Variants in SCN11A observed in about 807,000 individuals in gnomAD.
SCN11A encodes sodium channel protein type 11 subunit alpha.
In SCN11A, 122 loss-of-function variants were observed where a neutral mutation model predicts 162.2. The observed-to-expected ratio is 0.75, with a 90% CI of 0.65 to 0.87. The LOEUF is 0.87. SCN11A is among the 40% of genes least tolerant of loss of function. SCN11A has a pLI of 0.00. For missense variants in SCN11A, 2,015 were observed against 2,181.6 expected (o/e 0.92, Z 1.52); for synonymous variants, 758 against 751.5 (o/e 1.01, Z -0.14).
At chr3:38,939,826 C>A (rs1232711947) in intron 7 of SCN11A, among the ~76,000 whole-genome samples, 4 of 151,694 alleles carry the variant, frequency 2.6e-5, no homozygotes, top group African/African-American at 9.7e-5. Context: ...TCGCTTGAAC[C>A]CGGGAGGAGG....
intron 2 of SCN11A, among the ~76,000 whole-genome samples, chr3:38,976,170 T>C (rs567075721): frequency 5.3e-4 from 80 of 152,312 alleles, no homozygotes; most frequent in Non-Finnish European, 9.6e-4. Flanking sequence ...ATATTGGATT[T>C]AAAATAACAA....
intron 2 of SCN11A, among the ~76,000 whole-genome samples, chr3:38,971,784 ACTATC>A (rs2066818526): frequency 6.6e-6 from 1 of 152,166 alleles, no homozygotes; most frequent in Admixed American, 6.5e-5. Flanking sequence ...CAGGGCAAAG[ACTATC>A]CTACTCTCTG....
rs760912834 is a variant in SCN11A, at chr3:38,897,213, T to C, written c.2035A>G (p.Lys679Glu). The change falls in exon 18 of 30, where the codon AAG becomes GAG. Residue 679 changes from lysine to glutamate, a missense_variant. Transcript: ENST00000302328. The stretch of plus-strand genomic sequence containing the variant: ...AAAGTTGGCCAGGATTTGGCTAACT[T>C]GAAGACCCTGAGCTGTAGAAAAAGA... ...LRSFRVLRVF[K>E]LAKSWPTLNT... The C allele has an allele frequency of 6.2e-7, 1 of 1,609,144 alleles. No individual in the cohort carries two copies. The highest frequency in any genetic ancestry group is 2.2e-5 in the East Asian group (1 of 44,856).
chr3:39,049,176 T>C, intron 1 of SCN11A, among the ~76,000 whole-genome samples: 1 of 152,258 alleles, frequency 6.6e-6, no homozygotes, highest in South Asian at 2.1e-4. Context: ...TCAGAGCATA[T>C]ACTGCATCCT....
At chr3:38,937,815 AG>A (rs2066361001) in intron 7 of SCN11A, among the ~76,000 whole-genome samples, 1 of 152,264 alleles carries the variant, frequency 6.6e-6, no homozygotes, top group South Asian at 2.1e-4. Flanking sequence ...TGGGGAAGTC[AG>A]TGTGGCGATT....
intron 1 of SCN11A, among the ~76,000 whole-genome samples, chr3:39,034,513 A>G (rs368368644): frequency 3.9e-5 from 6 of 152,372 alleles, no homozygotes; most frequent in African/African-American, 1.4e-4. Context: ...TAAATGCAGA[A>G]GAACTGAAAG....
intron 2 of SCN11A, among the ~76,000 whole-genome samples, chr3:38,965,364 C>A (rs942390984): frequency 2.0e-5 from 3 of 152,206 alleles, no homozygotes; most frequent in African/African-American, 7.2e-5. Flanking sequence ...GGAGGCCCTG[C>A]CAGGCCCCTG....
At chr3:39,044,478 T>C (rs2032138924) in intron 1 of SCN11A, among the ~76,000 whole-genome samples, 1 of 152,158 alleles carries the variant, frequency 6.6e-6, no homozygotes, top group Non-Finnish European at 1.5e-5. Context: ...GTATCTTTTC[T>C]GACTACAATG....
chr3:38,860,993 T>C (rs1463874918), intron 28 of SCN11A, among the ~76,000 whole-genome samples: 3 of 152,080 alleles, frequency 2.0e-5, no homozygotes, highest in Admixed American at 6.6e-5. Flanking sequence ...TAGAAAACCC[T>C]AAAGACTCAT....
Position 38,968,469 on chromosome 3 carries a change from A to G in SCN11A, c.-279-8046T>C, listed in dbSNP as rs2066796473. Among the ~76,000 whole-genome samples, 6 of 152,248 alleles carry G rather than the reference A, an allele frequency of 3.9e-5. No homozygotes were observed. In the South Asian group the frequency reaches 1.0e-3, roughly 26 times the overall value. ...ATAGCAATGTTTTAAAAATTAAATG[A>G]GGCAGTATGCCAAAACTTCCCTTCA... On this transcript the variant is annotated intron_variant, in intron 2 of 29. Coordinates refer to ENST00000302328, the MANE Select transcript of SCN11A (RefSeq NM_001349253.2).
intron 2 of SCN11A, among the ~76,000 whole-genome samples, chr3:38,962,588 C>A (rs2066748430): frequency 6.6e-6 from 1 of 152,114 alleles, no homozygotes; most frequent in South Asian, 2.1e-4. Context: ...CGTTGGCTCA[C>A]ACCTGTAATC....
intron 7 of SCN11A, among the ~76,000 whole-genome samples, chr3:38,931,593 GATTCCAGGAGGA>G (rs1447283007): frequency 6.6e-6 from 1 of 152,234 alleles, no homozygotes; most frequent in African/African-American, 2.4e-5. Flanking sequence ...GCATTGCCCA[GATTCCAGGAGGA>G]AAGCCTCCCA....
chr3:38,876,212 A>T (rs567696110), intron 23 of SCN11A, among the ~76,000 whole-genome samples: 1 of 152,160 alleles, frequency 6.6e-6, no homozygotes, highest in African/African-American at 2.4e-5. Context: ...AAATCAACTC[A>T]AGAGGGATCA....
intron 2 of SCN11A, among the ~76,000 whole-genome samples, chr3:38,993,229 G>T (rs1358848693): frequency 6.6e-6 from 1 of 152,204 alleles, no homozygotes; most frequent in Non-Finnish European, 1.5e-5. Flanking sequence ...GAAGGGCCTT[G>T]TAAGGGACAA....
Position 38,950,542 on chromosome 3 carries a change from C to A in SCN11A, c.-7-173G>T, listed in dbSNP as rs73068589. 0.22 allele frequency: 138,781 copies of A among 630,830 alleles called. 15,880 individuals carry two copies. The highest frequency in any genetic ancestry group is 0.29 in the East Asian group (10,382 of 36,286). The allele number at this position is 630,830 out of a possible 1,614,324, so 39.1% of individuals were successfully genotyped here. A position where few individuals can be genotyped will look rare whatever the true frequency, so the allele number is the denominator to read the frequency against. ...CTGTGAAGATCAGAAGAGATGACCA[C>A]CACTGTGGGTATAGCAGGAACTTTT... On this transcript the variant is annotated intron_variant, in intron 4 of 29. Coordinates refer to ENST00000302328, the MANE Select transcript of SCN11A (RefSeq NM_001349253.2).
chr3:38,900,122 C>A, intron 16 of SCN11A, 49 bp from the exon 17 acceptor site: 1 of 1,483,506 alleles, frequency 6.7e-7, no homozygotes, highest in Non-Finnish European at 9.4e-7. Context: ...GGAGATAACA[C>A]TTTTAAGAAT....
intron 7 of SCN11A, among the ~76,000 whole-genome samples, chr3:38,940,492 A>G (rs77042694): frequency 0.062 from 9,404 of 152,298 alleles, 334 homozygotes; most frequent in Middle Eastern, 0.11. Context: ...ACGCAGACCA[A>G]TGGAAGAGAA....
At chr3:39,018,704 G>A (rs566136099) in intron 2 of SCN11A, among the ~76,000 whole-genome samples, 8 of 152,210 alleles carry the variant, frequency 5.3e-5, no homozygotes, top group African/African-American at 1.9e-4. Flanking sequence ...TGTAGTCCCA[G>A]CTACTTGGGA....
chr3:38,947,845 A>G (rs1318974043), intron 5 of SCN11A, among the ~76,000 whole-genome samples: 1 of 152,220 alleles, frequency 6.6e-6, no homozygotes, highest in African/African-American at 2.4e-5. Flanking sequence ...AGCCTTCAGA[A>G]AGTAAGAGTC....
Sources: allele counts gnomAD v4.1 joint callset (sites outside exome capture counted in the v4.1 genomes callset), GRCh38; gene constraint gnomAD v4.1.1; transcripts MANE v1.5; gene names NCBI Gene and HGNC (gene_info 2026-07-23, HGNC 2026-07-21).